Variants in UGT1A3 observed in about 807,000 individuals in gnomAD.
UGT1A3 encodes the protein UDP-glucuronosyltransferase 1A3.
In UGT1A3, 31 loss-of-function variants were observed where a neutral mutation model predicts 41.0. The observed-to-expected ratio is 0.76, with a 90% CI of 0.57 to 1.02. The LOEUF (loss-of-function observed/expected upper bound fraction) is 1.02, where lower values mean the gene tolerates loss of function less well. Among genes scored for constraint, UGT1A3 ranks in the 50% least tolerant of loss-of-function variants. The pLI, the probability that UGT1A3 is intolerant of heterozygous loss-of-function variation, is 0.00. For missense variants in UGT1A3, 737 were observed against 671.0 expected (o/e 1.10, Z -1.09); for synonymous variants, 262 against 257.6 (o/e 1.02, Z -0.17).
chr2:233,744,895 T>C (rs1259140735), intron 1 of UGT1A3, among the ~76,000 whole-genome samples: 1 of 151,910 alleles, frequency 6.6e-6, no homozygotes, highest in African/African-American at 2.4e-5. Flanking sequence ...CTCCTCTCCA[T>C]ACCAAAATCT....
intron 1 of UGT1A3, among the ~76,000 whole-genome samples, chr2:233,752,099 T>C (rs947761592): frequency 1.3e-5 from 2 of 152,204 alleles, no homozygotes; most frequent in Admixed American, 1.3e-4. Context: ...AGACAGAAAG[T>C]AGAATCAGAG....
intron 1 of UGT1A3, among the ~76,000 whole-genome samples, chr2:233,753,010 T>G (rs1329149459): frequency 6.6e-6 from 1 of 151,864 alleles, no homozygotes; most frequent in Admixed American, 6.6e-5. Context: ...CTACCCAGAG[T>G]GGTGATTTAC....
chr2:233,747,828 A>G, intron 1 of UGT1A3: 8 of 1,613,512 alleles, frequency 5.0e-6, no homozygotes, highest in Non-Finnish European at 6.8e-6. Flanking sequence ...AGACCACATG[A>G]CATTCCTGCA....
chr2:233,764,974 G>A (rs1027319616), intron 1 of UGT1A3, among the ~76,000 whole-genome samples: 4 of 152,116 alleles, frequency 2.6e-5, no homozygotes, highest in African/African-American at 9.7e-5. Flanking sequence ...GAGAAGGATG[G>A]TCAGTGTCTG....
rs1464490488 is a variant in UGT1A3 at position 233,772,373 on chromosome 2, A to C, written c.1419A>C (p.Pro473=). 1.2e-6 allele frequency: 2 copies of C among 1,614,108 alleles called. No individual in the cohort carries two copies. The highest frequency in any genetic ancestry group is 2.2e-5 in the East Asian group (1 of 44,894). Reference sequence around the variant, plus strand: ...TTGTGATGAGGCACAAGGGCGCGCCACACCTGCGCCCCGCAGCCCACGACC... The same window carrying C: ...TTGTGATGAGGCACAAGGGCGCGCCCCACCTGCGCCCCGCAGCCCACGACC... ...VEFVMRHKGA[P]HLRPAAHDLT... The change falls in exon 5 of 5, where the codon CCA becomes CCC. Residue 473 remains proline, a synonymous_variant. Transcript: ENST00000482026.
intron 1 of UGT1A3, among the ~76,000 whole-genome samples, chr2:233,745,757 G>A (rs1464205566): frequency 6.7e-6 from 1 of 150,374 alleles, no homozygotes; most frequent in Admixed American, 6.6e-5. Flanking sequence ...AGCAGAAGGG[G>A]TGGAGAGGAG....
intron 1 of UGT1A3, chr2:233,743,569 T>C (rs974809984): frequency 7.3e-7 from 1 of 1,367,258 alleles, no homozygotes; most frequent in Non-Finnish European, 9.8e-7. Context: ...CCAGCGGGTT[T>C]CCCAAGAGGT....
chr2:233,755,024 G>A (rs533329516), intron 1 of UGT1A3: 16 of 1,306,402 alleles, frequency 1.2e-5, no homozygotes, highest in Non-Finnish European at 1.7e-5. Flanking sequence ...GGTCCTTGAA[G>A]GGCCTGCCGC....
At chr2:233,767,761 G>A in intron 2 of UGT1A3, 88 bp from the exon 3 acceptor site, 6 of 1,606,158 alleles carry the variant, frequency 3.7e-6, no homozygotes, top group Non-Finnish European at 5.1e-6. Context: ...TCCTTCAGAG[G>A]ACCCCTGTTT....
intron 1 of UGT1A3, chr2:233,743,825 T>G: frequency 7.3e-7 from 1 of 1,367,228 alleles, no homozygotes; most frequent in South Asian, 1.1e-5. Flanking sequence ...TTTGTCGGGG[T>G]GCCACTTGAG....
Position 233,729,749 on chromosome 2 carries a change from T to C in UGT1A3, c.623T>C (p.Met208Thr), listed in dbSNP as rs747302247. The change falls in exon 1 of 5, where the codon ATG becomes ACG. Residue 208 changes from methionine (M) to threonine (T), a missense_variant. Coordinates refer to ENST00000482026, the MANE Select transcript of UGT1A3 (RefSeq NM_019093.4). ...ACCAATTCAGACCACATGACATTCA[T>C]GCAAAGGGTCAAGAACATGCTCTAC... Reference protein sequence around the residue: ...LTTNSDHMTFMQRVKNMLYPL... With the variant: ...LTTNSDHMTFTQRVKNMLYPL... The C allele has an allele frequency of 6.2e-6, 10 of 1,613,882 alleles. No homozygotes were observed. In the Admixed American group the frequency reaches 8.3e-5, roughly 13 times the overall value.
intron 1 of UGT1A3, among the ~76,000 whole-genome samples, chr2:233,757,354 A>G (rs1200250892): frequency 1.3e-5 from 2 of 150,876 alleles, no homozygotes; most frequent in Non-Finnish European, 2.9e-5. Flanking sequence ...GGTCTGAGAG[A>G]CAGTGGTAGA....
intron 1 of UGT1A3, chr2:233,760,629 G>C: frequency 1.2e-6 from 2 of 1,614,104 alleles, no homozygotes; most frequent in Non-Finnish European, 1.7e-6. Context: ...AAACATACAA[G>C]AAAATAAAAA....
intron 1 of UGT1A3, chr2:233,747,125 G>A (rs1221297675): frequency 2.0e-6 from 3 of 1,497,444 alleles, no homozygotes; most frequent in Admixed American, 3.8e-5. Flanking sequence ...TTGCTAAGTG[G>A]CTCAGTGACA....
chr2:233,759,839 C>T (rs1697267219), intron 1 of UGT1A3, among the ~76,000 whole-genome samples: 1 of 152,144 alleles, frequency 6.6e-6, no homozygotes, highest in South Asian at 2.1e-4. Context: ...AGTGGGCACT[C>T]TTACAGGTTT....
chr2:233,733,504 G>A lies in UGT1A3; in HGVS notation c.867+3511G>A, dbSNP rs556302512. ...TCCATCAATACCTAGTTTATTGCCA[G>A]TTTTAGGCATGAAGGGATGTTTAAT... On this transcript the variant is annotated intron_variant, in intron 1 of 4. Coordinates refer to ENST00000482026, the MANE Select transcript of UGT1A3 (RefSeq NM_019093.4). 2.0e-5 allele frequency among the ~76,000 whole-genome samples: 3 copies of A among 152,294 alleles called. No individual in the cohort carries two copies. In the South Asian group the frequency reaches 6.2e-4, roughly 32 times the overall value.
At chr2:233,759,038 G>T (rs1395341840) in intron 1 of UGT1A3, among the ~76,000 whole-genome samples, 2 of 152,168 alleles carry the variant, frequency 1.3e-5, no homozygotes, top group African/African-American at 2.4e-5. Context: ...TTGGTTTCCT[G>T]TTGTGAACAA....
At position 233,734,360 on chromosome 2, in the gene UGT1A3, C is replaced by T. The variant is rs565800937; in HGVS notation, c.867+4367C>T. Among the ~76,000 whole-genome samples the T allele has an allele frequency of 6.9e-4, 105 of 152,192 alleles. No individual in the cohort carries two copies. In the South Asian group the frequency reaches 0.014, roughly 20 times the overall value. ...ATGGTAGTTTGTATTTCTGTGGGAT[C>T]GGTGGTGATATTGCCTTTACTATTT... is the stretch of plus-strand genomic sequence containing the variant. On this transcript the variant is annotated intron_variant, in intron 1 of 4. Coordinates refer to ENST00000482026, the MANE Select transcript of UGT1A3 (RefSeq NM_019093.4).
intron 1 of UGT1A3, among the ~76,000 whole-genome samples, chr2:233,749,475 A>G (rs1280594340): frequency 1.3e-5 from 2 of 151,882 alleles, no homozygotes; most frequent in Non-Finnish European, 2.9e-5. Flanking sequence ...TGTGGCACAG[A>G]TCACTCTTGC....
Sources: gnomAD v4.1 joint callset for allele counts (sites outside exome capture counted in the v4.1 genomes callset) on GRCh38, gnomAD v4.1.1 for gene constraint, MANE v1.5 for transcripts, NCBI Gene and HGNC (gene_info 2026-07-23, HGNC 2026-07-21) for gene names.